The following PLS1 variants were observed in gnomAD, a reference collection of about 807,000 sequenced individuals.
The protein encoded by PLS1 is plastin 1.
In PLS1, 32 loss-of-function variants were observed where a neutral mutation model predicts 73.7. The observed-to-expected ratio is 0.43, with a 90% confidence interval of 0.33 to 0.58. The LOEUF (loss-of-function observed/expected upper bound fraction) is 0.58, where lower values mean the gene tolerates loss of function less well. Ranked by LOEUF, PLS1 falls within the 20% of genes least tolerant of loss-of-function variation. The pLI, the probability that PLS1 is intolerant of heterozygous loss-of-function variation, is 0.04. For synonymous variants in PLS1, 217 were observed against 261.3 expected, an observed-to-expected ratio of 0.83 and a Z score of 1.63; for missense variants, 633 against 740.5, an observed-to-expected ratio of 0.85 and a Z score of 1.68.
At chr3:142,610,234 A>T (rs2036094559) in intron 1 of PLS1, among the ~76,000 whole-genome samples, 1 of 152,138 alleles carries the variant, frequency 6.6e-6, no homozygotes, top group Non-Finnish European at 1.5e-5. Flanking sequence ...CTCTATGGTA[A>T]ATATTCTCCA....
At chr3:142,676,530 C>T (rs1002872317) in intron 5 of PLS1, among the ~76,000 whole-genome samples, 1 of 152,088 alleles carries the variant, frequency 6.6e-6, no homozygotes, top group African/African-American at 2.4e-5. Flanking sequence ...ATAATAATTG[C>T]CAGGAATCTT....
intron 2 of PLS1, among the ~76,000 whole-genome samples, chr3:142,667,070 C>T (rs1050328876): frequency 2.0e-5 from 3 of 152,094 alleles, no homozygotes; most frequent in African/African-American, 7.2e-5. Context: ...CCTTTATTTC[C>T]TCACCTTTAA....
chr3:142,674,191 A>G (rs1304309337), intron 4 of PLS1, among the ~76,000 whole-genome samples: 4 of 152,192 alleles, frequency 2.6e-5, no homozygotes, highest in South Asian at 4.1e-4. Flanking sequence ...TTGTTTTACA[A>G]TTACACTAAA....
At chr3:142,634,441 T>C (rs2036633281) in intron 1 of PLS1, among the ~76,000 whole-genome samples, 1 of 152,092 alleles carries the variant, frequency 6.6e-6, no homozygotes, top group Non-Finnish European at 1.5e-5. Context: ...ACACATTACA[T>C]AGGAAGAAAG....
At chr3:142,601,217 G>A (rs991395499) in intron 1 of PLS1, among the ~76,000 whole-genome samples, 8 of 151,262 alleles carry the variant, frequency 5.3e-5, no homozygotes, top group Admixed American at 2.0e-4. Flanking sequence ...GAGCCACCGC[G>A]CCCGGCCTAT....
intron 1 of PLS1, among the ~76,000 whole-genome samples, chr3:142,647,507 T>TTTC (rs2036981592): frequency 1.0e-5 from 1 of 95,712 alleles, no homozygotes. Context: ...TCTTTTCTTT[T>TTTC]TTTTTTTTTT....
rs183058807 is a variant in PLS1, at chr3:142,668,168, T to G, written c.71-1222T>G. Among the ~76,000 whole-genome samples the G allele has an allele frequency of 3.3e-3, 505 of 152,306 alleles. 10 individuals are homozygous for G. Among genetic ancestry groups the G allele is most frequent in the African/African-American group, 0.012 (492 of 41,574 alleles). On this transcript the variant is annotated intron_variant, in intron 2 of 15. Coordinates refer to ENST00000457734, the MANE Select transcript of PLS1 (RefSeq NM_001145319.2). ...CAGGCAACAAAACAGTGCAAAGCTC[T>G]GCTGTCAACTCTGGGCAGAAGCGTT... is the stretch of plus-strand genomic sequence containing the variant.
chr3:142,602,083 AAAC>A (rs767030837), intron 1 of PLS1, among the ~76,000 whole-genome samples: 5 of 151,340 alleles, frequency 3.3e-5, no homozygotes, highest in African/African-American at 4.9e-5. Flanking sequence ...AAAAAAACCA[AAAC>A]AACAGTGGTA....
intron 1 of PLS1, among the ~76,000 whole-genome samples, chr3:142,614,363 G>T (rs1370782696): frequency 6.6e-6 from 1 of 151,322 alleles, no homozygotes; most frequent in Non-Finnish European, 1.5e-5. Flanking sequence ...ATTCAGGTAT[G>T]CTCTGTGGAA....
chr3:142,648,629 C>G (rs1368670720), intron 1 of PLS1, among the ~76,000 whole-genome samples: 1 of 152,188 alleles, frequency 6.6e-6, no homozygotes, highest in Non-Finnish European at 1.5e-5. Context: ...TAAAGAAGCT[C>G]TCATTTCTAA....
chr3:142,604,076 A>T (rs970235081), intron 1 of PLS1, among the ~76,000 whole-genome samples: 1 of 152,162 alleles, frequency 6.6e-6, no homozygotes, highest in Non-Finnish European at 1.5e-5. Context: ...TGTTTATATT[A>T]AAAAAATGAC....
At chr3:142,665,939 G>T (rs1015057184) in intron 2 of PLS1, among the ~76,000 whole-genome samples, 53 of 152,146 alleles carry the variant, frequency 3.5e-4, no homozygotes, top group Non-Finnish European at 2.2e-4. Context: ...AAGATAATTT[G>T]TTCTGTTTGA....
At chr3:142,646,958 G>T (rs922380449) in intron 1 of PLS1, among the ~76,000 whole-genome samples, 1 of 152,216 alleles carries the variant, frequency 6.6e-6, no homozygotes, top group Non-Finnish European at 1.5e-5. Flanking sequence ...AGCATGGCTT[G>T]GAGGGAGTGA....
intron 1 of PLS1, among the ~76,000 whole-genome samples, chr3:142,605,621 G>A (rs1219578957): frequency 6.6e-6 from 1 of 152,142 alleles, no homozygotes; most frequent in Non-Finnish European, 1.5e-5. Context: ...CTTCAGTCTA[G>A]CTCCAAATCT....
Position 142,671,186 on chromosome 3 carries a change from T to C in PLS1, c.364+64T>C, listed in dbSNP as rs1184939588. The C allele has an allele frequency of 2.8e-6, 4 of 1,428,684 alleles. No individual in the cohort carries two copies. In the Admixed American group the frequency reaches 6.8e-5, roughly 24 times the overall value. The allele number at this position is 1,428,684 out of a possible 1,614,324, so 88.5% of individuals were successfully genotyped here. Reference sequence around the variant, plus strand: ...TTCATTGATTAAGTGACATATTTAATCAGTTCTAAGATGCCACTCATTGTG... The same window carrying C: ...TTCATTGATTAAGTGACATATTTAACCAGTTCTAAGATGCCACTCATTGTG... On this transcript the variant is annotated intron_variant, in intron 4 of 15. Transcript: ENST00000457734.
intron 1 of PLS1, among the ~76,000 whole-genome samples, chr3:142,624,652 G>A (rs2036383407): frequency 6.6e-6 from 1 of 152,206 alleles, no homozygotes; most frequent in Non-Finnish European, 1.5e-5. Flanking sequence ...AGTGACCTGA[G>A]CTCTTAAACC....
chr3:142,597,466 A>T (rs1382899061), intron 1 of PLS1: 4 of 152,166 alleles, frequency 2.6e-5, no homozygotes, highest in African/African-American at 7.2e-5. Context: ...ATATATATAG[A>T]GAGAGAGGTA....
intron 2 of PLS1, among the ~76,000 whole-genome samples, chr3:142,669,150 A>C (rs994867531): frequency 6.6e-6 from 1 of 152,300 alleles, no homozygotes; most frequent in Non-Finnish European, 1.5e-5. Flanking sequence ...GGGCTCAGGC[A>C]GTCCCCTCAC....
At position 142,676,138 on chromosome 3, in the gene PLS1, C is replaced by T; in HGVS notation, c.365-19C>T. ...AGTTTGTGAAATGAGATTTGCCTAC[C>T]AAGGTTTTCTCCTTTCAGAGGAAGA... is the stretch of plus-strand genomic sequence containing the variant. On this transcript the variant is annotated intron_variant, in intron 4 of 15. Coordinates refer to ENST00000457734, the MANE Select transcript of PLS1 (RefSeq NM_001145319.2). The T allele has an allele frequency of 1.9e-6, 3 of 1,602,108 alleles. No homozygotes were observed. Among genetic ancestry groups the T allele is most frequent in the Non-Finnish European group, 2.6e-6 (3 of 1,175,728 alleles).
Sources: gnomAD v4.1 joint callset for allele counts (sites outside exome capture counted in the v4.1 genomes callset) on GRCh38, gnomAD v4.1.1 for gene constraint, MANE v1.5 for transcripts, NCBI Gene and HGNC (gene_info 2026-07-23, HGNC 2026-07-21) for gene names.